H4C12: variants seen among roughly 807,000 people sequenced by gnomAD.
H4C12 encodes the protein H4 clustered histone 12.
Under a neutral mutation model 4.2 loss-of-function variants are expected in H4C12, and 3 were observed. The observed-to-expected ratio is 0.72, with a 90% confidence interval of 0.33 to 1.86. The LOEUF (loss-of-function observed/expected upper bound fraction) is 1.86, where lower values mean the gene tolerates loss of function less well. Among genes scored for constraint, H4C12 ranks in the 40% most tolerant of loss-of-function variants. H4C12 has a pLI of 0.08. For missense variants in H4C12, 81 were observed against 154.6 expected (o/e 0.52, Z 2.52); for synonymous variants, 71 against 65.0 (o/e 1.09, Z -0.44).
In H4C12 at chr6:27,831,231, G is replaced by A. The variant is rs769404763; in HGVS notation, c.297C>T (p.Tyr99=). 3 of 1,598,452 alleles carry A rather than the reference G, an allele frequency of 1.9e-6. No homozygotes were observed. Among genetic ancestry groups the A allele is most frequent in the Admixed American group, 1.8e-5 (1 of 55,814 alleles). The change falls in exon 1 of 1, where the codon TAC becomes TAT. Residue 99 remains tyrosine, a synonymous_variant. Transcript: ENST00000611927. ...YALKRQGRTL[Y]GFGG The stretch of plus-strand genomic sequence containing the variant: ...AAAGGGACGCTCAACCACCGAAACC[G>A]TAGAGGGTGCGGCCCTGGCGCTTGA...
chr6:27,831,197 T>TA lies in H4C12; in HGVS notation c.*18_*19insT, dbSNP rs752782867. 4 of 1,605,038 alleles carry TA rather than the reference T, an allele frequency of 2.5e-6. 1 individual carries two copies. In the South Asian group the frequency reaches 4.4e-5, roughly 18 times the overall value. On this transcript the variant is annotated 3_prime_UTR_variant, in exon 1 of 1. Coordinates refer to ENST00000611927, the MANE Select transcript of H4C12 (RefSeq NM_003541.3). ...AGTGGGGGCCCTAAAAAGGGCCTTTTGTTGATAGAAAGGGACGCTCAACCA... is the reference window on the plus strand; with the variant it reads ...AGTGGGGGCCCTAAAAAGGGCCTTTTAGTTGATAGAAAGGGACGCTCAACCA...
chr6:27,831,517 C>G lies in H4C12; in HGVS notation c.11G>C (p.Arg4Pro). 1 of 1,564,902 alleles carries G rather than the reference C, an allele frequency of 6.4e-7. No homozygotes were observed. The highest frequency in any genetic ancestry group is 8.7e-7 in the Non-Finnish European group (1 of 1,154,622). The change falls in exon 1 of 1, where the codon CGC becomes CCC. Residue 4 changes from arginine to proline, a missense_variant. This residue lies in a region of H4C12 where 25 missense variants were observed against 76.3 expected (regional missense o/e 0.33). Coordinates refer to ENST00000611927, the MANE Select transcript of H4C12 (RefSeq NM_003541.3). ...GCCAAGACCCTTCCCGCCTTTGCCG[C>G]GGCCAGACATGACGAGCAAGAGGAG... MSG[R>P]GKGGKGLGKG...
chr6:27,831,368 C>T lies in H4C12; in HGVS notation c.160G>A (p.Glu54Lys). ...AACACCTTCAGCACCCCGCGAGTCT[C>T]CTCGTAGATGAGGCCGGAGATGCGC... ...VKRISGLIYE[E>K]TRGVLKVFLE... Residue 54 changes from glutamate to lysine, a missense_variant, in exon 1 of 1, where the codon GAG becomes AAG. Coordinates refer to ENST00000611927, the MANE Select transcript of H4C12 (RefSeq NM_003541.3). 3 of 1,598,774 alleles carry T rather than the reference C, an allele frequency of 1.9e-6. No homozygotes were observed. Among genetic ancestry groups the T allele is most frequent in the Non-Finnish European group, 2.6e-6 (3 of 1,170,220 alleles).
In H4C12 at chr6:27,831,560, T is replaced by C. The variant is rs1487887375; in HGVS notation, c.-33A>G. 3.2e-6 allele frequency: 5 copies of C among 1,585,680 alleles called. No homozygotes were observed. The South Asian group carries it at 5.7e-5, about 18-fold the overall frequency. ...AAGAGGAGTCTCACCCAACGCTTTG[T>C]GAGGACTCTGGCCTGAGGCAGCGCC... is the stretch of plus-strand genomic sequence containing the variant. On this transcript the variant is annotated 5_prime_UTR_variant, in exon 1 of 1. Coordinates refer to ENST00000611927, the MANE Select transcript of H4C12 (RefSeq NM_003541.3).
rs537955828 is a variant in H4C12, at chr6:27,831,417, G to A, written c.111C>T (p.Arg37=). The A allele has an allele frequency of 1.3e-5, 21 of 1,585,678 alleles. No homozygotes were observed. The East Asian group carries it at 2.2e-4, about 17-fold the overall frequency. The change falls in exon 1 of 1, where the codon CGC becomes CGT. Residue 37 remains arginine, a synonymous_variant. Coordinates refer to ENST00000611927, the MANE Select transcript of H4C12 (RefSeq NM_003541.3). ...IQGITKPAIR[R]LARRGGVKRI... Reference sequence around the variant, plus strand: ...GCTTCACGCCGCCGCGGCGAGCAAGGCGCCGGATGGCCGGCTTGGTGATGC... The same window carrying A: ...GCTTCACGCCGCCGCGGCGAGCAAGACGCCGGATGGCCGGCTTGGTGATGC...
Position 27,831,408 on chromosome 6 carries a change from G to A in H4C12, c.120C>T (p.Arg40=), listed in dbSNP as rs770957932. ...ITKPAIRRLA[R]RGGVKRISGL... ...CGGAGATGCGCTTCACGCCGCCGCG[G>A]CGAGCAAGGCGCCGGATGGCCGGCT... Residue 40 remains arginine, a synonymous_variant, in exon 1 of 1, where the codon CGC becomes CGT. Coordinates refer to ENST00000611927, the MANE Select transcript of H4C12 (RefSeq NM_003541.3). 23 of 1,589,396 alleles carry A rather than the reference G, an allele frequency of 1.4e-5. No individual in the cohort carries two copies. Among genetic ancestry groups the A allele is most frequent in the East Asian group, 2.2e-5 (1 of 44,490 alleles).
rs762469175 is a variant in H4C12, at chr6:27,831,238, G to A, written c.290C>T (p.Thr97Ile). The A allele has an allele frequency of 5.0e-6, 8 of 1,593,666 alleles. No homozygotes were observed. The highest frequency in any genetic ancestry group is 2.2e-5 in the East Asian group (1 of 44,794). ...VVYALKRQGR[T>I]LYGFGG is the part of the protein sequence containing the mutation. Reference sequence around the variant, plus strand: ...CGCTCAACCACCGAAACCGTAGAGGGTGCGGCCCTGGCGCTTGAGCGCGTA... The same window carrying A: ...CGCTCAACCACCGAAACCGTAGAGGATGCGGCCCTGGCGCTTGAGCGCGTA... Residue 97 changes from threonine (T) to isoleucine (I), a missense_variant, in exon 1 of 1, where the codon ACC (threonine) becomes ATC (isoleucine). Physicochemically the swap from Thr to Ile is moderately conservative, Grantham distance 89. This residue lies in a region of H4C12 where 56 missense variants were observed against 78.3 expected (regional missense o/e 0.72). Transcript: ENST00000611927.
At position 27,831,201 on chromosome 6, in the gene H4C12, G is replaced by A; in HGVS notation, c.*15C>T. 6.2e-7 allele frequency: 1 copy of A among 1,604,836 alleles called. No individual in the cohort carries two copies. Among genetic ancestry groups the A allele is most frequent in the Non-Finnish European group, 8.5e-7 (1 of 1,175,650 alleles). ...GGGGCCCTAAAAAGGGCCTTTTGTT[G>A]ATAGAAAGGGACGCTCAACCACCGA... On this transcript the variant is annotated 3_prime_UTR_variant, in exon 1 of 1. Transcript: ENST00000611927.
At position 27,831,197 on chromosome 6, in the gene H4C12, T is replaced by C; in HGVS notation, c.*19A>G. ...AGTGGGGGCCCTAAAAAGGGCCTTT[T>C]GTTGATAGAAAGGGACGCTCAACCA... On this transcript the variant is annotated 3_prime_UTR_variant, in exon 1 of 1. Transcript: ENST00000611927. 1 of 1,605,038 alleles carries C rather than the reference T, an allele frequency of 6.2e-7. No individual in the cohort carries two copies. Among genetic ancestry groups the C allele is most frequent in the Non-Finnish European group, 8.5e-7 (1 of 1,175,658 alleles).
rs200487 is a variant in H4C12, at chr6:27,831,554, G to A, written c.-27C>T. 0.014 allele frequency: 21,447 copies of A among 1,583,436 alleles called. 3 individuals are homozygous for A. The highest frequency in any genetic ancestry group is 0.11 in the African/African-American group (8,117 of 74,206). Reference sequence around the variant, plus strand: ...ACGAGCAAGAGGAGTCTCACCCAACGCTTTGTGAGGACTCTGGCCTGAGGC... The same window carrying A: ...ACGAGCAAGAGGAGTCTCACCCAACACTTTGTGAGGACTCTGGCCTGAGGC... On this transcript the variant is annotated 5_prime_UTR_variant, in exon 1 of 1. Coordinates refer to ENST00000611927, the MANE Select transcript of H4C12 (RefSeq NM_003541.3).
rs769403170 is a variant in H4C12, at chr6:27,831,193, C to T, written c.*23G>A. ...AGAAAGTGGGGGCCCTAAAAAGGGC[C>T]TTTTGTTGATAGAAAGGGACGCTCA... On this transcript the variant is annotated 3_prime_UTR_variant, in exon 1 of 1. Transcript: ENST00000611927. 2 of 1,604,716 alleles carry T rather than the reference C, an allele frequency of 1.2e-6. No individual in the cohort carries two copies. The highest frequency in any genetic ancestry group is 1.3e-5 in the African/African-American group (1 of 74,354).
rs754066704 is a variant in H4C12 at position 27,831,271 on chromosome 6, T to C, written c.257A>G (p.Asp86Gly). Reference sequence around the variant, plus strand: ...CTGGCGCTTGAGCGCGTAGACCACATCCATGGCGGTGACCGTCTTGCGCTT... The same window carrying C: ...CTGGCGCTTGAGCGCGTAGACCACACCCATGGCGGTGACCGTCTTGCGCTT... ...HAKRKTVTAM[D>G]VVYALKRQGR... The change falls in exon 1 of 1, where the codon GAT becomes GGT. Residue 86 changes from aspartate to glycine, a missense_variant. Physicochemically the swap from Asp to Gly is moderately conservative, Grantham distance 94. This residue lies in a region of H4C12 where 56 missense variants were observed against 78.3 expected (regional missense o/e 0.72). Transcript: ENST00000611927. 6 of 1,548,854 alleles carry C rather than the reference T, an allele frequency of 3.9e-6. No individual in the cohort carries two copies. Among genetic ancestry groups the C allele is most frequent in the South Asian group, 1.3e-5 (1 of 78,132 alleles).
chr6:27,831,257 G>C lies in H4C12; in HGVS notation c.271C>G (p.Leu91Val). 1 of 1,555,098 alleles carries C rather than the reference G, an allele frequency of 6.4e-7. No homozygotes were observed. The change falls in exon 1 of 1, where the codon CTC becomes GTC. Residue 91 changes from leucine to valine, a missense_variant. Coordinates refer to ENST00000611927, the MANE Select transcript of H4C12 (RefSeq NM_003541.3). The part of the protein sequence containing the change: ...TVTAMDVVYA[L>V]KRQGRTLYGF... ...TAGAGGGTGCGGCCCTGGCGCTTGA[G>C]CGCGTAGACCACATCCATGGCGGTG...
Position 27,831,327 on chromosome 6 carries a change from G to A in H4C12, c.201C>T (p.Ile67=), listed in dbSNP as rs202054387. 19 of 1,597,762 alleles carry A rather than the reference G, an allele frequency of 1.2e-5. 1 individual carries two copies. The East Asian group carries it at 2.7e-4, about 23-fold the overall frequency. ...GVLKVFLENV[I]RDAVTYTEHA... is the part of the protein sequence containing the mutation. ...GCTCTGTATAGGTCACGGCGTCCCG[G>A]ATCACGTTCTCCAGGAACACCTTCA... The change falls in exon 1 of 1, where the codon ATC becomes ATT. Residue 67 remains isoleucine (I), a synonymous_variant. Transcript: ENST00000611927.
rs760219951 is a variant in H4C12, at chr6:27,831,488, CT to C, written c.39del (p.Gly14AlafsTer31). On this transcript the variant is annotated frameshift_variant, in exon 1 of 1. Coordinates refer to ENST00000611927, the MANE Select transcript of H4C12 (RefSeq NM_003541.3). LOFTEE classifies it high-confidence loss of function. The stretch of plus-strand genomic sequence containing the variant: ...ACTTTACGGTGGCGCTTAGCGCCGC[CT>C]TTGCCAAGACCCTTCCCGCCTTTGC... ...GRGKGGKGLG[K>X]GGAKRHRKVL... 76 of 1,526,996 alleles carry C rather than the reference CT, an allele frequency of 5.0e-5. No individual in the cohort carries two copies. Among genetic ancestry groups the C allele is most frequent in the South Asian group, 4.4e-4 (33 of 75,496 alleles). 94.6% of individuals were successfully genotyped at this position (1,526,996 alleles called of 1,614,324 possible).
rs1338330219 is a variant in H4C12 at position 27,831,402 on chromosome 6, G to C, written c.126C>G (p.Gly42=). The change falls in exon 1 of 1, where the codon GGC becomes GGG. Residue 42 remains glycine, a synonymous_variant. Coordinates refer to ENST00000611927, the MANE Select transcript of H4C12 (RefSeq NM_003541.3). ...TGAGGCCGGAGATGCGCTTCACGCCGCCGCGGCGAGCAAGGCGCCGGATGG... is the reference window on the plus strand; with the variant it reads ...TGAGGCCGGAGATGCGCTTCACGCCCCCGCGGCGAGCAAGGCGCCGGATGG... ...KPAIRRLARR[G]GVKRISGLIY... is the part of the protein sequence containing the mutation. The C allele has an allele frequency of 1.3e-6, 2 of 1,590,488 alleles. No individual in the cohort carries two copies. Among genetic ancestry groups the C allele is most frequent in the South Asian group, 2.2e-5 (2 of 89,466 alleles).
chr6:27,831,347 C>G lies in H4C12; in HGVS notation c.181G>C (p.Val61Leu). 6.3e-7 allele frequency: 1 copy of G among 1,599,116 alleles called. No individual in the cohort carries two copies. The highest frequency in any genetic ancestry group is 8.5e-7 in the Non-Finnish European group (1 of 1,170,200). The change falls in exon 1 of 1, where the codon GTG (valine) becomes CTG (leucine). Residue 61 changes from valine to leucine, a missense_variant. Around this residue, in one of 2 missense-constraint regions of H4C12, gnomAD observed 56 missense variants for 78.3 expected, o/e 0.72. Coordinates refer to ENST00000611927, the MANE Select transcript of H4C12 (RefSeq NM_003541.3). ...TCCCGGATCACGTTCTCCAGGAACA[C>G]CTTCAGCACCCCGCGAGTCTCCTCG... ...IYEETRGVLKVFLENVIRDAV... is the reference protein window; with the variant it reads ...IYEETRGVLKLFLENVIRDAV...
chr6:27,831,476 G>C lies in H4C12; in HGVS notation c.52C>G (p.Arg18Gly), dbSNP rs779884461. Residue 18 changes from arginine to glycine, a missense_variant, in exon 1 of 1, where the codon CGC (arginine) becomes GGC (glycine). Coordinates refer to ENST00000611927, the MANE Select transcript of H4C12 (RefSeq NM_003541.3). ...TTGTCGCGCAGTACTTTACGGTGGC[G>C]CTTAGCGCCGCCTTTGCCAAGACCC... is the stretch of plus-strand genomic sequence containing the variant. ...GKGLGKGGAK[R>G]HRKVLRDNIQ... 1 of 1,525,600 alleles carries C rather than the reference G, an allele frequency of 6.6e-7. No homozygotes were observed. The highest frequency in any genetic ancestry group is 1.3e-5 in the South Asian group (1 of 75,588). 94.5% of individuals were successfully genotyped at this position (1,525,600 alleles called of 1,614,324 possible).
At position 27,831,303 on chromosome 6, in the gene H4C12, C is replaced by T. The variant is rs776999590; in HGVS notation, c.225G>A (p.Glu75=). 19 of 1,589,876 alleles carry T rather than the reference C, an allele frequency of 1.2e-5. No homozygotes were observed. In the East Asian group the frequency reaches 2.5e-4, roughly 21 times the overall value. ...NVIRDAVTYT[E]HAKRKTVTAM... ...CGGTGACCGTCTTGCGCTTGGCGTGCTCTGTATAGGTCACGGCGTCCCGGA... is the reference window on the plus strand; with the variant it reads ...CGGTGACCGTCTTGCGCTTGGCGTGTTCTGTATAGGTCACGGCGTCCCGGA... The change falls in exon 1 of 1, where the codon GAG becomes GAA. Residue 75 remains glutamate, a synonymous_variant. Transcript: ENST00000611927.
Sources: gnomAD v4.1 joint callset for allele counts on GRCh38, gnomAD v4.1.1 for gene constraint, gnomAD v4.1.1 regional missense constraint, MANE v1.5 for transcripts, NCBI Gene and HGNC (gene_info 2026-07-23, HGNC 2026-07-21) for gene names.